ERMP1: variants seen among roughly 807,000 people sequenced by gnomAD.
ERMP1 encodes endoplasmic reticulum metallopeptidase 1.
A neutral mutation model predicts 92.0 loss-of-function variants in ERMP1; 86 were observed. The observed-to-expected ratio is 0.93, with a 90% confidence interval of 0.79 to 1.12. The LOEUF is 1.12. Ranked by LOEUF, ERMP1 falls within the 50% of genes most tolerant of loss-of-function variation. ERMP1 has a pLI of 0.00. For missense variants in ERMP1, 1,342 were observed against 1,116.3 expected, an observed-to-expected ratio of 1.20 and a Z score of -2.88; for synonymous variants, 530 against 412.8, an observed-to-expected ratio of 1.28 and a Z score of -3.44.
rs140623641 is a variant in ERMP1, at chr9:5,844,360, T to C, written n.3200-11048A>G. ...TGCGATTTCAGTTCACTGCAACCTC[T>C]GTCTCCCAGGTTCAAGTGATTCTTG... On this transcript the variant is annotated intron_variant and non_coding_transcript_variant, in intron 6 of 6. Transcript: ENST00000690753. Among the ~76,000 whole-genome samples the C allele has an allele frequency of 1.2e-3, 183 of 152,344 alleles. 1 individual carries two copies. The highest frequency in any genetic ancestry group is 4.4e-3 in the East Asian group (23 of 5,184).
At chr9:5,865,884 A>G in intron 5 of ERMP1, among the ~76,000 whole-genome samples, 1 of 151,280 alleles carries the variant, frequency 6.6e-6, no homozygotes, top group East Asian at 1.9e-4. Flanking sequence ...TAAATAAATA[A>G]AAAATATATA....
At chr9:5,833,245 G>A, upstream of ERMP1, 1 of 483,348 alleles carries the variant, frequency 2.1e-6, no homozygotes, top group South Asian at 3.8e-5. Context: ...AGCGGGTGGT[G>A]GATATGCCGT....
chr9:5,840,612 C>T (rs1830151440), intron 6 of ERMP1, among the ~76,000 whole-genome samples: 1 of 152,226 alleles, frequency 6.6e-6, no homozygotes, highest in South Asian at 2.1e-4. Flanking sequence ...CAGTACGATG[C>T]CGCAGTTCAG....
At position 5,787,590 on chromosome 9, in the gene ERMP1, G is replaced by C; in HGVS notation, c.2390C>G (p.Pro797Arg). 1 of 1,604,518 alleles carries C rather than the reference G, an allele frequency of 6.2e-7. No homozygotes were observed. The highest frequency in any genetic ancestry group is 1.3e-5 in the African/African-American group (1 of 74,082). The change falls in exon 14 of 15, where the codon CCA (proline) becomes CGA (arginine). Residue 797 changes from proline to arginine, a missense_variant. Physicochemically the swap from Pro to Arg is moderately radical, Grantham distance 103 (BLOSUM62 -2). Coordinates refer to ENST00000339450, the MANE Select transcript of ERMP1 (RefSeq NM_024896.3). Reference sequence around the variant, plus strand: ...TCGAACATAGAAGGACATATGGCTTGGTCCTGTAAGGTAAAAGGAAGAAAG... The same window carrying C: ...TCGAACATAGAAGGACATATGGCTTCGTCCTGTAAGGTAAAAGGAAGAAAG... Reference protein sequence around the residue: ...SIKLTFEATGPSHMSFYVRAH... With the variant: ...SIKLTFEATGRSHMSFYVRAH...
chr9:5,818,704 T>A (rs2131254127), intron 4 of ERMP1, among the ~76,000 whole-genome samples: 1 of 148,740 alleles, frequency 6.7e-6, no homozygotes, highest in South Asian at 2.1e-4. Flanking sequence ...CAAAGCAAGA[T>A]CCTATCTCAA....
intron 3 of ERMP1, 123 bp from the exon 4 acceptor site, chr9:5,824,124 C>A: frequency 1.4e-6 from 1 of 700,288 alleles, no homozygotes; most frequent in South Asian, 1.8e-5. Context: ...AATAATCGCT[C>A]TTCAAAGGCA....
intron 13 of ERMP1, among the ~76,000 whole-genome samples, chr9:5,795,889 C>T (rs1209888337): frequency 1.3e-5 from 2 of 152,088 alleles, no homozygotes; most frequent in Non-Finnish European, 2.9e-5. Context: ...AGCAAGGCTG[C>T]AGGATATGAG....
rs949321872 is a variant in ERMP1, at chr9:5,785,843, G to A, written c.*1301C>T. Reference sequence around the variant, plus strand: ...TGTTAAAACTCAAAATTTGTCCAACGTTTCACATTTCCTAATGATAAAAAG... The same window carrying A: ...TGTTAAAACTCAAAATTTGTCCAACATTTCACATTTCCTAATGATAAAAAG... On this transcript the variant is annotated 3_prime_UTR_variant, in exon 15 of 15. Coordinates refer to ENST00000339450, the MANE Select transcript of ERMP1 (RefSeq NM_024896.3). The A allele has an allele frequency of 1.3e-5, 2 of 151,974 alleles. No individual in the cohort carries two copies. Among genetic ancestry groups the A allele is most frequent in the African/African-American group, 4.8e-5 (2 of 41,370 alleles). 9.4% of individuals were successfully genotyped at this position (151,974 alleles called of 1,614,324 possible). A position where few individuals can be genotyped will look rare whatever the true frequency, so the allele number is the denominator to read the frequency against.
chr9:5,830,762 G>C lies in ERMP1; in HGVS notation c.605C>G (p.Ala202Gly). ...TGCTACTGAGTCAAAATGACAATTA[G>C]CCAAGACAGCATGCTGGGCTCCATC... ...PRDGAQHAVL[A>G]NCHFDSVANS... Residue 202 changes from alanine to glycine, a missense_variant, in exon 2 of 15, where the codon GCT (alanine) becomes GGT (glycine). Physicochemically the swap from Ala to Gly is moderately conservative, Grantham distance 60. Coordinates refer to ENST00000339450, the MANE Select transcript of ERMP1 (RefSeq NM_024896.3). The C allele has an allele frequency of 1.9e-6, 3 of 1,613,934 alleles. No individual in the cohort carries two copies. Among genetic ancestry groups the C allele is most frequent in the Non-Finnish European group, 2.5e-6 (3 of 1,179,904 alleles).
intron 13 of ERMP1, 152 bp from the exon 14 acceptor site, chr9:5,787,745 T>G: frequency 1.5e-6 from 1 of 678,680 alleles, no homozygotes; most frequent in Non-Finnish European, 2.4e-6. Flanking sequence ...GTTTGGACAC[T>G]TAGTGTGAAT....
At chr9:5,801,514 G>A (rs1828671694) in intron 10 of ERMP1, among the ~76,000 whole-genome samples, 186 bp from the exon 11 acceptor site, 1 of 152,164 alleles carries the variant, frequency 6.6e-6, no homozygotes. Flanking sequence ...CATTGCAGGT[G>A]AGAACCTAGA....
intron 8 of ERMP1, among the ~76,000 whole-genome samples, chr9:5,809,084 C>T (rs1174010910): frequency 1.3e-5 from 2 of 152,094 alleles, no homozygotes; most frequent in African/African-American, 2.4e-5. Flanking sequence ...TGCAGTGGCT[C>T]AATCTCAGCT....
At position 5,787,183 on chromosome 9, in the gene ERMP1, G is replaced by A. The variant is rs778837129; in HGVS notation, c.2676C>T (p.Pro892=). ...LKEKFPDWTF[P]SAWVCTYDLF... is the part of the protein sequence containing the mutation. ...GATCGTAGGTGCACACCCAGGCAGA[G>A]GGAAATGTCCAATCTGGGAACTTTT... Residue 892 remains proline (P), a synonymous_variant, in exon 15 of 15, where the codon CCC becomes CCT. Coordinates refer to ENST00000339450, the MANE Select transcript of ERMP1 (RefSeq NM_024896.3). The A allele has an allele frequency of 6.2e-6, 10 of 1,614,044 alleles. No homozygotes were observed. The highest frequency in any genetic ancestry group is 8.5e-6 in the Non-Finnish European group (10 of 1,179,972).
Position 5,833,096 on chromosome 9 carries a change from C to G in ERMP1, c.-69G>C, listed in dbSNP as rs532465300. 2 of 1,323,194 alleles carry G rather than the reference C, an allele frequency of 1.5e-6. No homozygotes were observed. The highest frequency in any genetic ancestry group is 2.0e-6 in the Non-Finnish European group (2 of 1,021,618). The allele number at this position is 1,323,194 out of a possible 1,614,324, so 82.0% of individuals were successfully genotyped here. A position where few individuals can be genotyped will look rare whatever the true frequency, so the allele number is the denominator to read the frequency against. On this transcript the variant is annotated 5_prime_UTR_variant, in exon 1 of 15. Coordinates refer to ENST00000339450, the MANE Select transcript of ERMP1 (RefSeq NM_024896.3). ...CAGCCCCGGCCGCCGCCGACGCCGCCGTCGCTGCCGCAGCGCCTCCTAGTG... is the reference window on the plus strand; with the variant it reads ...CAGCCCCGGCCGCCGCCGACGCCGCGGTCGCTGCCGCAGCGCCTCCTAGTG...
chr9:5,818,984 T>A (rs1829425851), intron 4 of ERMP1, among the ~76,000 whole-genome samples: 1 of 152,238 alleles, frequency 6.6e-6, no homozygotes, highest in Non-Finnish European at 1.5e-5. Flanking sequence ...TATTTGCATT[T>A]ATTCTCAAAT....
intron 4 of ERMP1, among the ~76,000 whole-genome samples, chr9:5,822,671 T>C (rs1324410841): frequency 1.3e-5 from 2 of 152,206 alleles, no homozygotes; most frequent in Non-Finnish European, 2.9e-5. Context: ...TAGCAAATGC[T>C]ACATCTCTGG....
chr9:5,856,279 C>A, intron 6 of ERMP1: 1 of 269,370 alleles, frequency 3.7e-6, no homozygotes, highest in South Asian at 4.3e-5. Context: ...AGACTGTTCT[C>A]TGTTTATTGT....
rs992039595 is a variant in ERMP1, at chr9:5,864,536, G to A, written n.3055+3266C>T. On this transcript the variant is annotated intron_variant and non_coding_transcript_variant, in intron 5 of 6. Transcript: ENST00000690753. Reference sequence around the variant, plus strand: ...CACCCCCGTGGGGAGGGGGGCGAGCGGGTATTTGACCCTTCTAAAAGCCTC... The same window carrying A: ...CACCCCCGTGGGGAGGGGGGCGAGCAGGTATTTGACCCTTCTAAAAGCCTC... 5.3e-5 allele frequency among the ~76,000 whole-genome samples: 8 copies of A among 152,210 alleles called. No individual in the cohort carries two copies. The East Asian group carries it at 5.8e-4, about 11-fold the overall frequency.
At chr9:5,835,804 T>C (rs1329066095), upstream of ERMP1, among the ~76,000 whole-genome samples, 1 of 152,238 alleles carries the variant, frequency 6.6e-6, no homozygotes, top group East Asian at 1.9e-4. Flanking sequence ...TGACCACATC[T>C]AGAACATATA....
Sources: allele counts gnomAD v4.1 joint callset (sites outside exome capture counted in the v4.1 genomes callset), GRCh38; gene constraint gnomAD v4.1.1; transcripts MANE v1.5; gene names NCBI Gene and HGNC (gene_info 2026-07-23, HGNC 2026-07-21).